Variants in GOLGA3 observed in about 807,000 individuals in gnomAD.
The protein encoded by GOLGA3 is golgin A3, also known as golgin subfamily A member 3.
GOLGA3 carries 75 observed loss-of-function variants against 169.4 expected under a neutral mutation model. The observed-to-expected ratio is 0.44, with a 90% CI of 0.37 to 0.54. GOLGA3 has a LOEUF of 0.54. Ranked by LOEUF, GOLGA3 falls within the 20% of genes least tolerant of loss-of-function variation. GOLGA3 has a pLI of 0.00. For synonymous variants in GOLGA3, 824 were observed against 822.4 expected, an observed-to-expected ratio of 1.00 and a Z score of -0.03; for missense variants, 1,899 against 1,930.0, an observed-to-expected ratio of 0.98 and a Z score of 0.30.
chr12:132,776,786 G>T (rs762952947), intron 20 of GOLGA3, 30 bp from the exon 21 acceptor site: 1 of 1,611,166 alleles, frequency 6.2e-7, no homozygotes, highest in Non-Finnish European at 8.5e-7. Flanking sequence ...ATGGCCAAAA[G>T]AATATTAAAG....
upstream of GOLGA3, chr12:132,828,888 A>G (rs1470741761): frequency 1.3e-5 from 2 of 152,298 alleles, no homozygotes; most frequent in Admixed American, 1.3e-4. Flanking sequence ...CGAGCGGTGC[A>G]TCGGCCTCGG....
At chr12:132,789,931 G>A (rs1463245203) in intron 12 of GOLGA3, among the ~76,000 whole-genome samples, 1 of 152,126 alleles carries the variant, frequency 6.6e-6, no homozygotes, top group African/African-American at 2.4e-5. Flanking sequence ...TACTCACGAG[G>A]CTGAGGCATG....
At chr12:132,811,207 C>T (rs963478007) in intron 4 of GOLGA3, among the ~76,000 whole-genome samples, 19 of 145,312 alleles carry the variant, frequency 1.3e-4, no homozygotes, top group African/African-American at 2.2e-4. Context: ...AGTGGTCCCC[C>T]CGGCCCAGCT....
chr12:132,798,554 C>CT, intron 8 of GOLGA3, 77 bp from the exon 9 acceptor site: 2 of 1,392,462 alleles, frequency 1.4e-6, no homozygotes, highest in Non-Finnish European at 2.0e-6. Context: ...CCCTGGAGGC[C>CT]CCAGGGTGAG....
At chr12:132,809,450 C>T (rs889617686) in intron 4 of GOLGA3, among the ~76,000 whole-genome samples, 3 of 149,810 alleles carry the variant, frequency 2.0e-5, no homozygotes, top group African/African-American at 2.5e-5. Flanking sequence ...CCCCGCCCCC[C>T]GGTTCCCGGT....
chr12:132,812,582 C>G (rs1329648288), intron 4 of GOLGA3, among the ~76,000 whole-genome samples: 1 of 152,136 alleles, frequency 6.6e-6, no homozygotes, highest in Non-Finnish European at 1.5e-5. Flanking sequence ...TCTACCCTCA[C>G]GGACAGCGTT....
intron 15 of GOLGA3, among the ~76,000 whole-genome samples, chr12:132,786,044 C>CGGAG (rs2045880044): frequency 1.3e-5 from 2 of 152,232 alleles, no homozygotes; most frequent in African/African-American, 4.8e-5. Context: ...CCAGGGCAGG[C>CGGAG]CCTCCCTCTG....
rs959295295 is a variant in GOLGA3 at position 132,793,865 on chromosome 12, CAT to C, written c.2469+1985_2469+1986del. ...GCAAACAGCTCTCAGTGCACACACA[CAT>C]GGGGCGGCCGACTCCAGAAATAGGG... On this transcript the variant is annotated intron_variant, in intron 11 of 23. Coordinates refer to ENST00000450791, the MANE Select transcript of GOLGA3 (RefSeq NM_001389683.1). Among the ~76,000 whole-genome samples the C allele has an allele frequency of 1.5e-3, 232 of 152,360 alleles. 1 individual carries two copies. Among genetic ancestry groups the C allele is most frequent in the African/African-American group, 5.1e-3 (214 of 41,594 alleles).
Position 132,776,705 on chromosome 12 carries a change from A to G in GOLGA3, c.3907T>C (p.Leu1303=). The G allele has an allele frequency of 1.2e-6, 2 of 1,614,068 alleles. No homozygotes were observed. Among genetic ancestry groups the G allele is most frequent in the Non-Finnish European group, 8.5e-7 (1 of 1,179,982 alleles). ...VDQKEREIQS[L]KQQLDLTEQQ... ...TCCGTCAAGTCCAGCTGCTGCTTCAAGGACTGGATTTCTCTTTCTTTCTGA... is the reference window on the plus strand; with the variant it reads ...TCCGTCAAGTCCAGCTGCTGCTTCAGGGACTGGATTTCTCTTTCTTTCTGA... Residue 1303 remains leucine (L), a synonymous_variant, in exon 21 of 24, where the codon TTG becomes CTG. Coordinates refer to ENST00000450791, the MANE Select transcript of GOLGA3 (RefSeq NM_001389683.1).
At position 132,777,132 on chromosome 12, in the gene GOLGA3, T is replaced by C. The variant is rs756779511; in HGVS notation, c.3723-42A>G. ...AGAAAGAAGGGAATCGCCACGCTCC[T>C]CCAGTGTGCTGTGCCCTCCCGCTGG... is the stretch of plus-strand genomic sequence containing the variant. On this transcript the variant is annotated intron_variant, in intron 19 of 23. Coordinates refer to ENST00000450791, the MANE Select transcript of GOLGA3 (RefSeq NM_001389683.1). The surrounding 1 kb of genome is among the most constrained non-coding windows in gnomAD (Gnocchi z 4.7). 1 of 1,548,840 alleles carries C rather than the reference T, an allele frequency of 6.5e-7. No homozygotes were observed. The highest frequency in any genetic ancestry group is 1.3e-5 in the South Asian group (1 of 79,274).
At chr12:132,810,178 G>A (rs1442880722) in intron 4 of GOLGA3, among the ~76,000 whole-genome samples, 2 of 152,136 alleles carry the variant, frequency 1.3e-5, no homozygotes, top group African/African-American at 4.8e-5. Flanking sequence ...AACCCAGGAG[G>A]TGGAGGTCGT....
rs1305317470 is a variant in GOLGA3, at chr12:132,772,054, CA to C, written c.*1050del. 6.6e-5 allele frequency: 10 copies of C among 152,352 alleles called. No individual in the cohort carries two copies. In the East Asian group the frequency reaches 1.9e-3, roughly 29 times the overall value. 9.4% of individuals were successfully genotyped at this position (152,352 alleles called of 1,614,324 possible). On this transcript the variant is annotated 3_prime_UTR_variant, in exon 24 of 24. Transcript: ENST00000450791. ...AGCAGGAAGGAAAGATCCTCAGCAA[CA>C]AAGTAAAACCAGAACAACAGAGGAC...
chr12:132,802,608 G>C (rs982883921), intron 7 of GOLGA3, among the ~76,000 whole-genome samples: 32 of 150,086 alleles, frequency 2.1e-4, no homozygotes, highest in Admixed American at 4.0e-4. Flanking sequence ...GTGGGCAACA[G>C]AGCAACCCAT....
rs552851788 is a variant in GOLGA3 at position 132,821,569 on chromosome 12, G to T, written c.133+427C>A. Among the ~76,000 whole-genome samples the T allele has an allele frequency of 2.6e-5, 4 of 152,110 alleles. No homozygotes were observed. In the East Asian group the frequency reaches 7.7e-4, roughly 29 times the overall value. The stretch of plus-strand genomic sequence containing the variant: ...CATTCAGTTACTAAAACATACTTTG[G>T]GCCGGGCACAGTGGCTCACACCTGT... On this transcript the variant is annotated intron_variant, in intron 2 of 23. Transcript: ENST00000450791.
intron 2 of GOLGA3, among the ~76,000 whole-genome samples, chr12:132,819,728 CT>C (rs1445973507): frequency 6.6e-6 from 1 of 151,656 alleles, no homozygotes; most frequent in Non-Finnish European, 1.5e-5. Flanking sequence ...GAGGGGGAAC[CT>C]TGCATTTCAG....
intron 3 of GOLGA3, among the ~76,000 whole-genome samples, chr12:132,814,824 A>AAAACCC (rs903676180): frequency 6.6e-5 from 10 of 152,234 alleles, no homozygotes; most frequent in African/African-American, 2.2e-4. Context: ...TAAAATATCT[A>AAAACCC]AAACCCAGAC....
At chr12:132,787,774 G>A (rs1370952670) in intron 13 of GOLGA3, among the ~76,000 whole-genome samples, 1 of 56,972 alleles carries the variant, frequency 1.8e-5, no homozygotes, top group African/African-American at 8.0e-5. Flanking sequence ...CGGAGACCAC[G>A]GGACCCCTCC....
rs1230831553 is a variant in GOLGA3, at chr12:132,771,077, T to A, written c.*2028A>T. On this transcript the variant is annotated 3_prime_UTR_variant, in exon 24 of 24. Coordinates refer to ENST00000450791, the MANE Select transcript of GOLGA3 (RefSeq NM_001389683.1). ...AACTTAAGATAAAAAGTAGGATATATTTATAATGAAATTTTCAAGTATTAT... is the reference window on the plus strand; with the variant it reads ...AACTTAAGATAAAAAGTAGGATATAATTATAATGAAATTTTCAAGTATTAT... 1 of 152,626 alleles carries A rather than the reference T, an allele frequency of 6.6e-6. No individual in the cohort carries two copies. Among genetic ancestry groups the A allele is most frequent in the Admixed American group, 6.6e-5 (1 of 15,264 alleles). The allele number at this position is 152,626 out of a possible 1,614,324, so 9.5% of individuals were successfully genotyped here. A position where few individuals can be genotyped will look rare whatever the true frequency, so the allele number is the denominator to read the frequency against.
chr12:132,806,373 C>G (rs1325510254), intron 6 of GOLGA3, among the ~76,000 whole-genome samples: 1 of 152,204 alleles, frequency 6.6e-6, no homozygotes, highest in African/African-American at 2.4e-5. Context: ...AAGTGACGAC[C>G]GTACAACCAG....
Sources: allele counts gnomAD v4.1 joint callset (sites outside exome capture counted in the v4.1 genomes callset), GRCh38; gene constraint gnomAD v4.1.1; non-coding constraint Gnocchi (gnomAD v3.1); transcripts MANE v1.5; gene names NCBI Gene and HGNC (gene_info 2026-07-23, HGNC 2026-07-21).